Variants in PCCA observed in about 807,000 individuals in gnomAD.
The protein encoded by PCCA is propionyl-CoA carboxylase alpha chain, mitochondrial.
In PCCA, 74 loss-of-function variants were observed where a neutral mutation model predicts 101.3. The ratio of observed to expected loss-of-function variants is 0.73; its 90% CI spans 0.61 to 0.89. PCCA has a LOEUF of 0.89. PCCA is among the 40% of genes least tolerant of loss of function. The pLI is 0.00. For missense variants in PCCA, 891 were observed against 907.0 expected, an observed-to-expected ratio of 0.98 and a Z score of 0.23; for synonymous variants, 294 against 313.6, an observed-to-expected ratio of 0.94 and a Z score of 0.66.
intron 15 of PCCA, among the ~76,000 whole-genome samples, chr13:100,308,895 G>C (rs1046173861): frequency 2.0e-5 from 3 of 152,060 alleles, no homozygotes; most frequent in Admixed American, 1.3e-4. Context: ...AATAGTTAAG[G>C]TCTTATTTCA....
intron 21 of PCCA, among the ~76,000 whole-genome samples, chr13:100,477,980 G>A (rs919743362): frequency 1.5e-4 from 23 of 152,324 alleles, no homozygotes; most frequent in African/African-American, 5.1e-4. Flanking sequence ...GCTGACGGCC[G>A]CTCCAGGTTG....
intron 4 of PCCA, among the ~76,000 whole-genome samples, chr13:100,112,594 T>TG (rs397936412): frequency 7.5e-6 from 1 of 132,862 alleles, no homozygotes; most frequent in Non-Finnish European, 1.6e-5. Flanking sequence ...TTTTTTTTTT[T>TG]GGGACAGAGT....
chr13:100,214,506 C>T (rs1392582621), intron 7 of PCCA, among the ~76,000 whole-genome samples: 1 of 151,650 alleles, frequency 6.6e-6, no homozygotes, highest in Non-Finnish European at 1.5e-5. Context: ...CTCACTGCAA[C>T]CTCTGCCTCC....
intron 6 of PCCA, among the ~76,000 whole-genome samples, chr13:100,207,733 A>G (rs967293071): frequency 6.6e-6 from 1 of 151,628 alleles, no homozygotes; most frequent in Non-Finnish European, 1.5e-5. Flanking sequence ...AAAAATCTGT[A>G]TTTTGGCCAG....
intron 21 of PCCA, among the ~76,000 whole-genome samples, chr13:100,511,104 A>T (rs1421070900): frequency 6.6e-6 from 1 of 152,174 alleles, no homozygotes; most frequent in Non-Finnish European, 1.5e-5. Flanking sequence ...CTCAAGTGAT[A>T]ATTGTGTACC....
At chr13:100,223,521 C>T (rs947635652) in intron 7 of PCCA, among the ~76,000 whole-genome samples, 2 of 152,050 alleles carry the variant, frequency 1.3e-5, no homozygotes, top group African/African-American at 2.4e-5. Context: ...CAGACCTTCG[C>T]GGTGAGCGTT....
At chr13:100,330,441 A>G (rs1350641410) in intron 16 of PCCA, 120 bp from the exon 17 acceptor site, 1 of 679,874 alleles carries the variant, frequency 1.5e-6, no homozygotes, top group East Asian at 2.7e-5. Context: ...TCAAGGAAAT[A>G]AGTAATCTTG....
At chr13:100,262,668 C>A in intron 9 of PCCA, 61 bp from the exon 10 acceptor site, 1 of 777,696 alleles carries the variant, frequency 1.3e-6, no homozygotes. Flanking sequence ...TCTTCTCCTT[C>A]TTCCCCTTCC....
At chr13:100,493,864 A>G (rs954298886) in intron 21 of PCCA, among the ~76,000 whole-genome samples, 3 of 152,170 alleles carry the variant, frequency 2.0e-5, no homozygotes, top group South Asian at 2.1e-4. Flanking sequence ...AATTCAATCT[A>G]TCATTCAGAC....
intron 21 of PCCA, among the ~76,000 whole-genome samples, chr13:100,509,370 T>C (rs970188005): frequency 6.6e-6 from 1 of 152,230 alleles, no homozygotes; most frequent in Non-Finnish European, 1.5e-5. Flanking sequence ...AACGTGAGCA[T>C]GTACTCAGGA....
chr13:100,158,923 A>G (rs750859262), intron 6 of PCCA, among the ~76,000 whole-genome samples: 1 of 151,742 alleles, frequency 6.6e-6, no homozygotes, highest in African/African-American at 2.4e-5. Context: ...AACTCCTGCT[A>G]TAAATGAATA....
At chr13:100,271,757 G>A (rs975436325) in intron 11 of PCCA, among the ~76,000 whole-genome samples, 11 of 152,144 alleles carry the variant, frequency 7.2e-5, no homozygotes, top group Admixed American at 5.2e-4. Context: ...TTACAAAAGG[G>A]TACTTTATCT....
At chr13:100,328,278 G>A (rs1176932112) in intron 16 of PCCA, among the ~76,000 whole-genome samples, 5 of 151,598 alleles carry the variant, frequency 3.3e-5, no homozygotes, top group Admixed American at 2.6e-4. Flanking sequence ...CAGGAGAATC[G>A]CTTGAACCTA....
At position 100,334,861 on chromosome 13, in the gene PCCA, G is replaced by A. The variant is rs551038216; in HGVS notation, c.1540+4190G>A. On this transcript the variant is annotated intron_variant, in intron 17 of 23. Transcript: ENST00000376285. Reference sequence around the variant, plus strand: ...ATGGAAATGAAGGATAACTTTGAAAGAAATAATAGAGATTTTTTTCTCACT... The same window carrying A: ...ATGGAAATGAAGGATAACTTTGAAAAAAATAATAGAGATTTTTTTCTCACT... 4.6e-5 allele frequency among the ~76,000 whole-genome samples: 7 copies of A among 152,256 alleles called. No homozygotes were observed. The East Asian group carries it at 1.3e-3, about 29-fold the overall frequency.
intron 22 of PCCA, among the ~76,000 whole-genome samples, chr13:100,526,966 C>T (rs1033198940): frequency 6.6e-6 from 1 of 152,210 alleles, no homozygotes; most frequent in Non-Finnish European, 1.5e-5. Flanking sequence ...GAGGGTTTTC[C>T]GGAAGCTGCC....
intron 16 of PCCA, among the ~76,000 whole-genome samples, chr13:100,320,133 T>C (rs989350914): frequency 4.6e-5 from 7 of 152,312 alleles, no homozygotes; most frequent in African/African-American, 1.4e-4. Context: ...TGTTTGTCTG[T>C]TATTGGTGTA....
intron 16 of PCCA, among the ~76,000 whole-genome samples, chr13:100,318,555 C>G (rs1595303530): frequency 1.4e-5 from 2 of 144,978 alleles, no homozygotes; most frequent in African/African-American, 5.1e-5. Flanking sequence ...TTGTTCAGTT[C>G]CCACCTATGA....
At chr13:100,310,815 A>T (rs952220346) in intron 16 of PCCA, among the ~76,000 whole-genome samples, 1 of 152,134 alleles carries the variant, frequency 6.6e-6, no homozygotes, top group South Asian at 2.1e-4. Flanking sequence ...ATAAAAAATA[A>T]ATTTTGTTGT....
intron 6 of PCCA, among the ~76,000 whole-genome samples, chr13:100,195,456 A>G (rs1020178330): frequency 1.3e-5 from 2 of 152,216 alleles, no homozygotes; most frequent in Non-Finnish European, 2.9e-5. Flanking sequence ...AAGTATTTTC[A>G]TTAGCGTTCT....
Sources: allele counts gnomAD v4.1 joint callset (sites outside exome capture counted in the v4.1 genomes callset), GRCh38; gene constraint gnomAD v4.1.1; transcripts MANE v1.5; gene names NCBI Gene and HGNC (gene_info 2026-07-23, HGNC 2026-07-21).